NDST3: variants seen among roughly 807,000 people sequenced by gnomAD.
The protein encoded by NDST3 is bifunctional heparan sulfate N-deacetylase/N-sulfotransferase 3.
NDST3 carries 58 observed loss-of-function variants against 96.1 expected under a neutral mutation model. The ratio of observed to expected loss-of-function variants is 0.60; its 90% confidence interval spans 0.49 to 0.75. NDST3 has a LOEUF of 0.75. Ranked by LOEUF, NDST3 falls within the 30% of genes least tolerant of loss-of-function variation. The pLI is 0.00. For missense variants in NDST3, 788 were observed against 1,034.2 expected (o/e 0.76, Z 3.27); for synonymous variants, 333 against 359.7 (o/e 0.93, Z 0.84).
intron 4 of NDST3, among the ~76,000 whole-genome samples, chr4:118,117,693 T>A (rs1368015842): frequency 6.6e-6 from 1 of 152,178 alleles, no homozygotes; most frequent in African/African-American, 2.4e-5. Flanking sequence ...CAGTGACTTA[T>A]TCATGATTAT....
Position 118,157,315 on chromosome 4 carries a change from A to T in NDST3, c.1539+13631A>T, listed in dbSNP as rs188674823. Among the ~76,000 whole-genome samples the T allele has an allele frequency of 2.3e-3, 346 of 152,042 alleles. 3 individuals carry two copies. The highest frequency in any genetic ancestry group is 7.8e-3 in the African/African-American group (322 of 41,544). ...GAAATTTTAAAAATTTAAATTATTA[A>T]TAAAAAGAAAACTACATTTAAAATG... On this transcript the variant is annotated intron_variant, in intron 6 of 13. Transcript: ENST00000296499.
chr4:118,203,100 T>C (rs975847799), intron 6 of NDST3, among the ~76,000 whole-genome samples: 2 of 152,236 alleles, frequency 1.3e-5, no homozygotes, highest in African/African-American at 2.4e-5. Context: ...ATTCTGCTTA[T>C]GTAGTGAATC....
intron 2 of NDST3, among the ~76,000 whole-genome samples, chr4:118,091,391 T>G (rs967788489): frequency 2.6e-5 from 4 of 151,978 alleles, no homozygotes; most frequent in Non-Finnish European, 5.9e-5. Context: ...AATATTTTTC[T>G]TTGTAGAAAC....
intron 6 of NDST3, among the ~76,000 whole-genome samples, chr4:118,221,644 T>A (rs904767498): frequency 2.0e-5 from 3 of 152,076 alleles, no homozygotes; most frequent in Admixed American, 6.6e-5. Context: ...TGACAAACAG[T>A]ATCTGTTTCC....
intron 2 of NDST3, among the ~76,000 whole-genome samples, chr4:118,097,925 G>A (rs1371034508): frequency 2.0e-5 from 3 of 151,840 alleles, no homozygotes; most frequent in Non-Finnish European, 4.4e-5. Flanking sequence ...GAATGCAGCA[G>A]TGAATAGGAT....
intron 6 of NDST3, among the ~76,000 whole-genome samples, chr4:118,149,247 T>A (rs540696186): frequency 6.8e-4 from 104 of 152,182 alleles, no homozygotes; most frequent in South Asian, 3.9e-3. Flanking sequence ...GGCTCTTTTT[T>A]GGTTCCATAT....
intron 1 of NDST3, among the ~76,000 whole-genome samples, chr4:118,036,193 A>AT (rs1277931795): frequency 6.6e-6 from 1 of 151,908 alleles, no homozygotes; most frequent in East Asian, 1.9e-4. Context: ...AGAAATTACA[A>AT]TTTTTTTTCT....
At chr4:118,195,552 G>T (rs1487381586) in intron 6 of NDST3, among the ~76,000 whole-genome samples, 1 of 152,124 alleles carries the variant, frequency 6.6e-6, no homozygotes, top group Non-Finnish European at 1.5e-5. Context: ...CCAGTCTGGG[G>T]TATGACTTTA....
intron 1 of NDST3, among the ~76,000 whole-genome samples, chr4:118,039,386 A>G (rs537993045): frequency 4.1e-4 from 62 of 152,310 alleles, no homozygotes; most frequent in African/African-American, 1.5e-3. Flanking sequence ...GCCAGCTGCT[A>G]TTTGTAAAAT....
chr4:118,242,681 C>T (rs1467989437), intron 12 of NDST3, among the ~76,000 whole-genome samples: 1 of 152,142 alleles, frequency 6.6e-6, no homozygotes, highest in Non-Finnish European at 1.5e-5. Flanking sequence ...CACTATTTGA[C>T]CCTGTCATCT....
chr4:118,176,891 G>A (rs192839329), intron 6 of NDST3, among the ~76,000 whole-genome samples: 251 of 152,080 alleles, frequency 1.7e-3, no homozygotes, highest in African/African-American at 5.9e-3. Flanking sequence ...AAAAAACTAT[G>A]TGAACTTCAT....
At position 118,087,225 on chromosome 4, in the gene NDST3, T is replaced by C. The variant is rs577166038; in HGVS notation, c.982-17793T>C. On this transcript the variant is annotated intron_variant, in intron 2 of 13. Coordinates refer to ENST00000296499, the MANE Select transcript of NDST3 (RefSeq NM_004784.3). ...ATGCCTTCTCTCTCTTGAGTTGTTTTAAAGATCACATAGATGATATGTAAA... is the reference window on the plus strand; with the variant it reads ...ATGCCTTCTCTCTCTTGAGTTGTTTCAAAGATCACATAGATGATATGTAAA... Among the ~76,000 whole-genome samples the C allele has an allele frequency of 2.0e-3, 309 of 152,288 alleles. 1 individual carries two copies. The highest frequency in any genetic ancestry group is 7.1e-3 in the African/African-American group (294 of 41,580).
chr4:118,179,193 T>C (rs1336481960), intron 6 of NDST3, among the ~76,000 whole-genome samples: 5 of 151,992 alleles, frequency 3.3e-5, no homozygotes, highest in Non-Finnish European at 1.5e-5. Flanking sequence ...CAAGGCTGTT[T>C]ACTTTACAAA....
At chr4:118,234,343 G>A (rs563708273) in intron 9 of NDST3, among the ~76,000 whole-genome samples, 1 of 152,196 alleles carries the variant, frequency 6.6e-6, no homozygotes, top group Admixed American at 6.5e-5. Context: ...AGCCCATGGA[G>A]GTTGAGGCTG....
At chr4:118,241,468 T>C (rs925455946) in intron 11 of NDST3, among the ~76,000 whole-genome samples, 3 of 149,788 alleles carry the variant, frequency 2.0e-5, no homozygotes, top group Admixed American at 1.4e-4. Flanking sequence ...TGGTCTCCTC[T>C]CATCTTGCTG....
At chr4:118,179,380 T>C (rs987087583) in intron 6 of NDST3, among the ~76,000 whole-genome samples, 1 of 152,054 alleles carries the variant, frequency 6.6e-6, no homozygotes, top group South Asian at 2.1e-4. Flanking sequence ...TAGTAATCTA[T>C]AAATTGAGGT....
Position 118,054,781 on chromosome 4 carries a change from T to A in NDST3, c.871T>A (p.Phe291Ile), listed in dbSNP as rs1560610473. The change falls in exon 2 of 14, where the codon TTC becomes ATC. Residue 291 changes from phenylalanine to isoleucine, a missense_variant. Physicochemically the swap from Phe to Ile is conservative, Grantham distance 21. This residue lies in a region of NDST3 where 490 missense variants were observed against 708.8 expected (regional missense o/e 0.69). Transcript: ENST00000296499. ...GCTCATCTTCATAGATGCCATCTCC[T>A]TCTTATCAGGGAAGAGGCTGACATT... The part of the protein sequence containing the change: ...HKLIFIDAIS[F>I]LSGKRLTLSL... The A allele has an allele frequency of 6.2e-7, 1 of 1,613,344 alleles. No homozygotes were observed. The highest frequency in any genetic ancestry group is 2.2e-5 in the East Asian group (1 of 44,852).
In NDST3 at chr4:118,255,693, A is replaced by G. The variant is rs759028197; in HGVS notation, c.2603A>G (p.Glu868Gly). ...CCTCTGCCATCCTGGCTGAGACAGG[A>G]GCTGCAGAAAGTAAGATAGCACTGA... ...GQPLPSWLRQ[E>G]LQKVR The change falls in exon 14 of 14, where the codon GAG (glutamate) becomes GGG (glycine). Residue 868 changes from glutamate (E) to glycine (G), a missense_variant. Transcript: ENST00000296499. The G allele has an allele frequency of 1.9e-6, 3 of 1,613,170 alleles. No individual in the cohort carries two copies. The African/African-American group carries it at 4.0e-5, about 22-fold the overall frequency.
chr4:118,215,677 A>G (rs543156507), intron 6 of NDST3, among the ~76,000 whole-genome samples: 20 of 152,148 alleles, frequency 1.3e-4, no homozygotes, highest in South Asian at 6.2e-4. Flanking sequence ...TGATAGACTA[A>G]GATCACATGG....
Sources: allele counts gnomAD v4.1 joint callset (sites outside exome capture counted in the v4.1 genomes callset), GRCh38; gene constraint gnomAD v4.1.1; regional missense constraint gnomAD v4.1.1; transcripts MANE v1.5; gene names NCBI Gene and HGNC (gene_info 2026-07-23, HGNC 2026-07-21).